Variants in NPHS2 observed in about 807,000 individuals in gnomAD.
NPHS2 encodes the protein podocin.
Under a neutral mutation model 37.1 loss-of-function variants are expected in NPHS2, and 36 were observed. The ratio of observed to expected loss-of-function variants is 0.97; its 90% CI spans 0.74 to 1.28. The LOEUF is 1.28. Ranked by LOEUF, NPHS2 falls within the 50% of genes most tolerant of loss-of-function variation. The pLI, the probability that NPHS2 is intolerant of heterozygous loss-of-function variation, is 0.00. For synonymous variants in NPHS2, 196 were observed against 189.3 expected (o/e 1.04, Z -0.29); for missense variants, 447 against 488.1 (o/e 0.92, Z 0.79).
rs199753342 is a variant in NPHS2, at chr1:179,551,185, A to G, written c.1140T>C (p.Ser380=). The G allele has an allele frequency of 2.5e-6, 4 of 1,613,850 alleles. No individual in the cohort carries two copies. In the African/African-American group the frequency reaches 5.3e-5, roughly 22 times the overall value. The change falls in exon 8 of 8, where the codon TCT becomes TCC. Residue 380 remains serine, a synonymous_variant. Transcript: ENST00000367615. ...VEPLNPKKKD[S]PML The stretch of plus-strand genomic sequence containing the variant: ...TGCCCCATCCTTCCTATAACATGGG[A>G]GAGTCTTTCTTTTTAGGATTTAGTG...
chr1:179,566,727 G>C (rs1167729502), intron 1 of NPHS2, among the ~76,000 whole-genome samples: 1 of 152,180 alleles, frequency 6.6e-6, no homozygotes, highest in Admixed American at 6.5e-5. Flanking sequence ...AAACCATCTT[G>C]AATCAATTTT....
intron 6 of NPHS2, among the ~76,000 whole-genome samples, chr1:179,554,268 G>GA (rs1038906001): frequency 3.4e-4 from 51 of 152,106 alleles, no homozygotes; most frequent in Middle Eastern, 6.8e-3. Context: ...GATTCATAGA[G>GA]AAAAAAATAA....
At chr1:179,553,353 CCTAAATGTCCATCAG>C (rs1183301674) in intron 6 of NPHS2, among the ~76,000 whole-genome samples, 2 of 152,168 alleles carry the variant, frequency 1.3e-5, no homozygotes, top group African/African-American at 4.8e-5. Flanking sequence ...GCAGAAACAA[CCTAAATGTCCATCAG>C]CTGATGAACC....
In NPHS2 at chr1:179,552,596, T is replaced by A. The variant is rs115778946; in HGVS notation, c.873+7A>T. The A allele has an allele frequency of 6.2e-7, 1 of 1,612,096 alleles. No individual in the cohort carries two copies. ...GGGCAGTCTGGGTGGGAGGATGGAG[T>A]GCTCACCCGCACTTTGGCTTGTCTT... On this transcript the variant is annotated splice_region_variant and intron_variant, in intron 7 of 7. Coordinates refer to ENST00000367615, the MANE Select transcript of NPHS2 (RefSeq NM_014625.4).
intron 2 of NPHS2, 33 bp downstream of exon 2, chr1:179,564,657 G>A (rs1558348907): frequency 1.3e-6 from 2 of 1,573,040 alleles, no homozygotes; most frequent in East Asian, 2.2e-5. Context: ...GAGGCCTCAG[G>A]AAATTACCTA....
intron 1 of NPHS2, among the ~76,000 whole-genome samples, chr1:179,569,009 G>C (rs1226423667): frequency 6.6e-6 from 1 of 152,172 alleles, no homozygotes; most frequent in East Asian, 1.9e-4. Context: ...ATGTGGTGCT[G>C]AGAAGAATAT....
chr1:179,575,930 T>C lies in NPHS2; in HGVS notation c.-66A>G. The C allele has an allele frequency of 1.5e-6, 2 of 1,305,006 alleles. No individual in the cohort carries two copies. The highest frequency in any genetic ancestry group is 2.3e-5 in the South Asian group (1 of 42,588). The allele number at this position is 1,305,006 out of a possible 1,614,324, so 80.8% of individuals were successfully genotyped here. On this transcript the variant is annotated 5_prime_UTR_variant, in exon 1 of 8. Coordinates refer to ENST00000367615, the MANE Select transcript of NPHS2 (RefSeq NM_014625.4). ...GCTAGGGGCACGGGAGCGCAGTCCC[T>C]GTGGAGTCGCTGCGGGTCCGCGTGG...
intron 1 of NPHS2, among the ~76,000 whole-genome samples, chr1:179,571,543 G>T (rs112751736): frequency 0.027 from 4,080 of 152,334 alleles, 181 homozygotes; most frequent in African/African-American, 0.093. Context: ...ACTTGAGGGG[G>T]CAGTCTGTCC....
At chr1:179,567,903 C>T (rs1176542654) in intron 1 of NPHS2, among the ~76,000 whole-genome samples, 1 of 152,142 alleles carries the variant, frequency 6.6e-6, no homozygotes, top group Non-Finnish European at 1.5e-5. Flanking sequence ...GCCTTGCATC[C>T]CAGGGATGAA....
chr1:179,557,652 T>C lies in NPHS2; in HGVS notation c.535-422A>G, dbSNP rs188063267. Among the ~76,000 whole-genome samples the C allele has an allele frequency of 2.0e-3, 307 of 152,312 alleles. 1 individual carries two copies. Among genetic ancestry groups the C allele is most frequent in the Non-Finnish European group, 1.9e-3 (127 of 68,030 alleles). On this transcript the variant is annotated intron_variant, in intron 4 of 7. Coordinates refer to ENST00000367615, the MANE Select transcript of NPHS2 (RefSeq NM_014625.4). ...TAAGCCCTAGAAAGATGTCTTAACA[T>C]TTCCCTTTTTATATTGATCATAAGG...
At chr1:179,553,901 AC>A (rs1673679764) in intron 6 of NPHS2, among the ~76,000 whole-genome samples, 1 of 135,272 alleles carries the variant, frequency 7.4e-6, no homozygotes, top group South Asian at 2.3e-4. Context: ...ATTTGCCAAC[AC>A]CCCTGGCTAA....
chr1:179,551,762 T>C (rs1043176480), intron 7 of NPHS2: 27 of 367,236 alleles, frequency 7.4e-5, no homozygotes, highest in Non-Finnish European at 1.3e-4. Flanking sequence ...TTAGCCAGCA[T>C]TCCATGCAAA....
At chr1:179,563,028 AG>A (rs1466232220) in intron 2 of NPHS2, among the ~76,000 whole-genome samples, 1 of 152,174 alleles carries the variant, frequency 6.6e-6, no homozygotes, top group East Asian at 1.9e-4. Flanking sequence ...GCAGGTGCTC[AG>A]GTCACCCTTT....
intron 2 of NPHS2, 126 bp downstream of exon 2, chr1:179,564,564 G>C (rs1674264193): frequency 1.2e-6 from 1 of 831,294 alleles, no homozygotes; most frequent in Admixed American, 2.0e-5. Flanking sequence ...CCTGGAAGGT[G>C]AGTCTGGGGT....
rs1421217117 is a variant in NPHS2, at chr1:179,561,347, A to G, written c.393T>C (p.Tyr131=). The G allele has an allele frequency of 6.2e-7, 1 of 1,611,000 alleles. No homozygotes were observed. The highest frequency in any genetic ancestry group is 8.5e-7 in the Non-Finnish European group (1 of 1,177,350). The change falls in exon 3 of 8, where the codon TAT becomes TAC. Residue 131 remains tyrosine, a synonymous_variant. Coordinates refer to ENST00000367615, the MANE Select transcript of NPHS2 (RefSeq NM_014625.4). ...IWFCVKVVQE[Y]ERVIIFRLGH... ...CCAGTCGGAATATAATTACTCTTTC[A>G]TACTCTTGTACAACCTAAAGAGAAA... is the stretch of plus-strand genomic sequence containing the variant.
intron 4 of NPHS2, among the ~76,000 whole-genome samples, chr1:179,557,715 C>T (rs1326594316): frequency 1.3e-5 from 2 of 152,100 alleles, no homozygotes; most frequent in Non-Finnish European, 2.9e-5. Flanking sequence ...ATGTTACTCA[C>T]AGTATTGCTA....
chr1:179,571,722 G>A lies in NPHS2; in HGVS notation c.274+3869C>T, dbSNP rs189872241. On this transcript the variant is annotated intron_variant, in intron 1 of 7. Transcript: ENST00000367615. ...GCCTTGTTGAGCTATGGTGGGCTCC[G>A]CCCAGTTCAAGCTTCCTGGCTACTT... Among the ~76,000 whole-genome samples the A allele has an allele frequency of 3.6e-3, 549 of 152,328 alleles. 2 individuals carry two copies. Among genetic ancestry groups the A allele is most frequent in the African/African-American group, 0.012 (513 of 41,586 alleles).
chr1:179,557,482 C>T (rs1373713396), intron 4 of NPHS2, among the ~76,000 whole-genome samples: 2 of 152,170 alleles, frequency 1.3e-5, no homozygotes, highest in African/African-American at 4.8e-5. Context: ...CATAAGAAGA[C>T]ATTCAGTTGA....
Position 179,575,625 on chromosome 1 carries a change from C to G in NPHS2, c.240G>C (p.Val80=), listed in dbSNP as rs1281592133. 1 of 1,603,370 alleles carries G rather than the reference C, an allele frequency of 6.2e-7. No individual in the cohort carries two copies. Among genetic ancestry groups the G allele is most frequent in the Non-Finnish European group, 8.5e-7 (1 of 1,179,878 alleles). The change falls in exon 1 of 8, where the codon GTG becomes GTC. Residue 80 remains valine (V), a synonymous_variant. Coordinates refer to ENST00000367615, the MANE Select transcript of NPHS2 (RefSeq NM_014625.4). ...GCCGCTCGCTCTCCAACAGCGCCAC[C>G]ACCTCGGTGCCCTCCTCGCCGGAGC... The part of the protein sequence containing the change: ...VRGSGEEGTE[V]VALLESERPE...
Sources: gnomAD v4.1 joint callset for allele counts (sites outside exome capture counted in the v4.1 genomes callset) on GRCh38, gnomAD v4.1.1 for gene constraint, MANE v1.5 for transcripts, NCBI Gene and HGNC (gene_info 2026-07-23, HGNC 2026-07-21) for gene names.